PTPRD: variants seen among roughly 807,000 people sequenced by gnomAD.
PTPRD encodes receptor-type tyrosine-protein phosphatase delta.
A neutral mutation model predicts 214.5 loss-of-function variants in PTPRD; 34 were observed. That is an observed-to-expected ratio of 0.16 (90% confidence interval 0.12 to 0.21). PTPRD has a LOEUF of 0.21. Among genes scored for constraint, PTPRD ranks in the 10% least tolerant of loss-of-function variants. PTPRD has a pLI of 1.00. For missense variants in PTPRD, 2,545 were observed against 2,398.7 expected (o/e 1.06, Z -1.27); for synonymous variants, 1,128 against 845.7 (o/e 1.33, Z -5.79).
intron 14 of PTPRD, among the ~76,000 whole-genome samples, chr9:8,601,988 G>A (rs1236958349): frequency 6.6e-6 from 1 of 152,052 alleles, no homozygotes; most frequent in African/African-American, 2.4e-5. Context: ...CCAATGTAGT[G>A]CACTGCAAGG....
At chr9:9,624,315 C>G (rs941539538) in intron 7 of PTPRD, among the ~76,000 whole-genome samples, 1 of 151,956 alleles carries the variant, frequency 6.6e-6, no homozygotes, top group African/African-American at 2.4e-5. Flanking sequence ...CAGAGTCTCA[C>G]TCTGTCACCC....
chr9:9,204,171 G>T (rs559942865), intron 9 of PTPRD, among the ~76,000 whole-genome samples: 90 of 152,254 alleles, frequency 5.9e-4, no homozygotes, highest in South Asian at 1.9e-3. Context: ...TTCTAATCCA[G>T]CCTGATACTC....
chr9:9,495,982 C>A (rs892493424), intron 8 of PTPRD, among the ~76,000 whole-genome samples: 2 of 152,208 alleles, frequency 1.3e-5, no homozygotes, highest in East Asian at 3.9e-4. Flanking sequence ...ATGAAGCTTG[C>A]TCCTGTGTCA....
chr9:10,149,308 A>T (rs1432957612), intron 3 of PTPRD, among the ~76,000 whole-genome samples: 1 of 152,220 alleles, frequency 6.6e-6, no homozygotes, highest in Non-Finnish European at 1.5e-5. Flanking sequence ...TACTAGGGGC[A>T]TAAACTGGGA....
intron 2 of PTPRD, among the ~76,000 whole-genome samples, chr9:10,414,658 A>C (rs2098470151): frequency 6.6e-6 from 1 of 151,968 alleles, no homozygotes; most frequent in African/African-American, 2.4e-5. Flanking sequence ...TTGCAGCACT[A>C]TTCACAATAG....
chr9:9,268,680 G>T (rs1033323577), intron 9 of PTPRD, among the ~76,000 whole-genome samples: 4 of 150,518 alleles, frequency 2.7e-5, no homozygotes, highest in African/African-American at 9.7e-5. Flanking sequence ...AAAGAGAAGA[G>T]AACAGAGAGC....
At chr9:10,497,817 G>A (rs903210702) in intron 2 of PTPRD, among the ~76,000 whole-genome samples, 11 of 151,898 alleles carry the variant, frequency 7.2e-5, no homozygotes, top group Middle Eastern at 3.4e-3. Flanking sequence ...TAAAATTAAC[G>A]TTTATTGTTT....
chr9:10,033,719 A>C lies in PTPRD; in HGVS notation c.-473T>G, dbSNP rs1425372123. 2.0e-5 allele frequency: 3 copies of C among 152,118 alleles called. No individual in the cohort carries two copies. Among genetic ancestry groups the C allele is most frequent in the African/African-American group, 7.2e-5 (3 of 41,444 alleles). The allele number at this position is 152,118 out of a possible 1,614,324, so 9.4% of individuals were successfully genotyped here. ...AAAATTAGAATGAGTGAGACTTACC[A>C]ATGTACAGCTTCCCCCTACAAGATG... On this transcript the variant is annotated splice_region_variant and 5_prime_UTR_variant, in exon 4 of 46. The change creates a new upstream start codon in the 5' untranslated region. Coordinates refer to ENST00000381196, the MANE Select transcript of PTPRD (RefSeq NM_002839.4).
At chr9:9,485,919 AAGGC>A (rs1243796217) in intron 8 of PTPRD, among the ~76,000 whole-genome samples, 1 of 151,934 alleles carries the variant, frequency 6.6e-6, no homozygotes, top group Non-Finnish European at 1.5e-5. Flanking sequence ...TTGGGAGGCC[AAGGC>A]AGGTGGATCA....
intron 2 of PTPRD, chr9:10,532,519 T>C (rs577465228): frequency 6.7e-6 from 1 of 149,754 alleles, no homozygotes; most frequent in Non-Finnish European, 1.5e-5. Flanking sequence ...TCTGTGCACC[T>C]TTTGTAAGAC....
At chr9:10,096,239 A>C (rs140258687) in intron 3 of PTPRD, among the ~76,000 whole-genome samples, 1 of 151,824 alleles carries the variant, frequency 6.6e-6, no homozygotes, top group East Asian at 2.0e-4. Context: ...ATATAAATTG[A>C]GATACATATC....
intron 8 of PTPRD, among the ~76,000 whole-genome samples, chr9:9,429,416 A>G (rs902330962): frequency 6.6e-6 from 1 of 152,186 alleles, no homozygotes; most frequent in African/African-American, 2.4e-5. Flanking sequence ...TGAAGAGCCT[A>G]CTGACCAAAA....
intron 10 of PTPRD, among the ~76,000 whole-genome samples, chr9:9,082,296 G>T (rs1001878521): frequency 2.0e-5 from 3 of 152,080 alleles, no homozygotes; most frequent in African/African-American, 7.2e-5. Flanking sequence ...CACAAGGGTG[G>T]TTCAACATAT....
At chr9:10,142,604 T>A (rs977404691) in intron 3 of PTPRD, among the ~76,000 whole-genome samples, 3 of 150,052 alleles carry the variant, frequency 2.0e-5, no homozygotes, top group African/African-American at 7.3e-5. Flanking sequence ...AGAATGGCAA[T>A]CATTAAAAAG....
intron 2 of PTPRD, among the ~76,000 whole-genome samples, chr9:10,403,826 G>C (rs13299056): frequency 0.09 from 13,680 of 151,686 alleles, 1,279 homozygotes; most frequent in East Asian, 0.46. Flanking sequence ...AAGACCAGTG[G>C]TTCTCAGTGA....
Position 8,460,563 on chromosome 9 carries a change from A to C in PTPRD, c.3723T>G (p.Tyr1241Ter). 6.2e-7 allele frequency: 1 copy of C among 1,611,572 alleles called. No homozygotes were observed. ...CGGGGTCGGAGTAAGGGCTGGTTGC[A>C]TACATCTTCTGAGGAAAAGCAGAGT... is the stretch of plus-strand genomic sequence containing the variant. The part of the protein sequence containing the change: ...AVMEHAESKM[Y>*]ATSPYSDPVV... The change falls in exon 33 of 46, where the codon TAT (tyrosine) becomes TAG (stop). Residue 1241 changes from tyrosine (Y) to a stop codon, truncating the protein, a stop_gained. Transcript: ENST00000381196. LOFTEE classifies it high-confidence loss of function.
intron 2 of PTPRD, among the ~76,000 whole-genome samples, chr9:10,451,688 A>G (rs1248423289): frequency 6.7e-6 from 1 of 150,320 alleles, no homozygotes; most frequent in Non-Finnish European, 1.5e-5. Context: ...TCCTTGTTAT[A>G]TTGAAGTCTG....
At chr9:9,619,133 G>A (rs576142618) in intron 7 of PTPRD, among the ~76,000 whole-genome samples, 5 of 152,076 alleles carry the variant, frequency 3.3e-5, no homozygotes, top group Non-Finnish European at 7.4e-5. Context: ...TAAGGCAAAC[G>A]CATGAGTTGT....
chr9:10,426,922 T>G (rs2098626252), intron 2 of PTPRD, among the ~76,000 whole-genome samples: 1 of 152,092 alleles, frequency 6.6e-6, no homozygotes, highest in African/African-American at 2.4e-5. Flanking sequence ...GTAAACACAT[T>G]TTTCAAACAT....
Sources: gnomAD v4.1 joint callset for allele counts (sites outside exome capture counted in the v4.1 genomes callset) on GRCh38, gnomAD v4.1.1 for gene constraint, MANE v1.5 for transcripts, NCBI Gene and HGNC (gene_info 2026-07-23, HGNC 2026-07-21) for gene names.